The following EIPR1 variants were observed in gnomAD, a reference collection of about 807,000 sequenced individuals.
The protein encoded by EIPR1 is EARP complex and GARP complex interacting protein 1, also known as EARP and GARP complex-interacting protein 1.
Under a neutral mutation model 48.1 loss-of-function variants are expected in EIPR1, and 25 were observed. The observed-to-expected ratio is 0.52, with a 90% CI of 0.38 to 0.73. The LOEUF (loss-of-function observed/expected upper bound fraction) is 0.73, where lower values mean the gene tolerates loss of function less well. Ranked by LOEUF, EIPR1 falls within the 30% of genes least tolerant of loss-of-function variation. The probability of loss-of-function intolerance (pLI) is 0.00; values close to 1 mark genes in which losing one functional copy is unlikely to be tolerated. For synonymous variants in EIPR1, 204 were observed against 201.9 expected (o/e 1.01, Z -0.09); for missense variants, 415 against 506.2 (o/e 0.82, Z 1.73).
chr2:3,264,440 C>T (rs1667426310), intron 3 of EIPR1, among the ~76,000 whole-genome samples: 2 of 152,218 alleles, frequency 1.3e-5, no homozygotes, highest in South Asian at 4.1e-4. Context: ...TCATCTTCAG[C>T]TTGCCATGCC....
intron 4 of EIPR1, among the ~76,000 whole-genome samples, chr2:3,220,684 G>A (rs1665854264): frequency 6.6e-6 from 1 of 151,802 alleles, no homozygotes; most frequent in Non-Finnish European, 1.5e-5. Flanking sequence ...AGTGACTCAG[G>A]AACACAAGCA....
At chr2:3,241,046 CAAAGCCAGCAGATCCTTCCTAAAGA>C (rs1558245059) in intron 4 of EIPR1, among the ~76,000 whole-genome samples, 1 of 123,234 alleles carries the variant, frequency 8.1e-6, no homozygotes, top group African/African-American at 2.9e-5. Flanking sequence ...CTTCCTAAAG[CAAAGCCAGCAGATCCTTCCTAAAGA>C]AAAGCCAGCA....
Position 3,189,056 on chromosome 2 carries a change from G to T in EIPR1, c.*278C>A. 3.2e-6 allele frequency: 1 copy of T among 309,208 alleles called. No homozygotes were observed. The allele number at this position is 309,208 out of a possible 1,614,324, so 19.2% of individuals were successfully genotyped here. On this transcript the variant is annotated 3_prime_UTR_variant, in exon 9 of 9. Coordinates refer to ENST00000382125, the MANE Select transcript of EIPR1 (RefSeq NM_003310.5). This position sits in a 1 kb window ranked among gnomAD's most constrained non-coding sequence, Gnocchi z 4.6. ...AGGAACAGACATTTTTTTAAAAAGC[G>T]AAACTCCTGACACCCTTAAAACAGA...
intron 2 of EIPR1, among the ~76,000 whole-genome samples, chr2:3,347,875 A>G (rs550060734): frequency 1.3e-5 from 2 of 152,348 alleles, no homozygotes; most frequent in East Asian, 3.9e-4. Context: ...AAAGGAAGCC[A>G]GGCTACCCTG....
At chr2:3,321,290 T>G (rs1372581720) in intron 3 of EIPR1, among the ~76,000 whole-genome samples, 2 of 152,196 alleles carry the variant, frequency 1.3e-5, no homozygotes, top group Non-Finnish European at 2.9e-5. Flanking sequence ...GGAGTCAATC[T>G]TTTAACATCT....
intron 4 of EIPR1, 143 bp from the exon 5 acceptor site, chr2:3,214,391 C>T (rs1426192267): frequency 2.0e-5 from 13 of 665,012 alleles, no homozygotes; most frequent in Non-Finnish European, 2.8e-5. Context: ...CACTGTCACC[C>T]GGCAATGCCT....
Position 3,328,444 on chromosome 2 carries a change from C to T in EIPR1, c.259+9573G>A, listed in dbSNP as rs1005162352. ...ACCACGCTCTAATGATCTCAGGGTGCCAGCCTGGGTTCCCCTGAATCAGAG... is the reference window on the plus strand; with the variant it reads ...ACCACGCTCTAATGATCTCAGGGTGTCAGCCTGGGTTCCCCTGAATCAGAG... On this transcript the variant is annotated intron_variant, in intron 3 of 8. Coordinates refer to ENST00000382125, the MANE Select transcript of EIPR1 (RefSeq NM_003310.5). Among the ~76,000 whole-genome samples the T allele has an allele frequency of 4.0e-5, 6 of 148,250 alleles. 1 individual carries two copies. Among genetic ancestry groups the T allele is most frequent in the African/African-American group, 1.5e-4 (6 of 40,242 alleles).
chr2:3,281,384 T>C (rs1668007321), intron 3 of EIPR1, among the ~76,000 whole-genome samples: 1 of 151,988 alleles, frequency 6.6e-6, no homozygotes, highest in Non-Finnish European at 1.5e-5. Flanking sequence ...AAGTCAGAAG[T>C]CTTCATTATG....
intron 4 of EIPR1, among the ~76,000 whole-genome samples, chr2:3,233,872 A>ATAGG (rs1435160010): frequency 2.6e-4 from 39 of 152,216 alleles, no homozygotes; most frequent in Non-Finnish European, 4.4e-5. Flanking sequence ...AATCTCAAAG[A>ATAGG]TAGGAGTCAA....
At chr2:3,349,459 G>A (rs1468909180) in intron 2 of EIPR1, among the ~76,000 whole-genome samples, 1 of 152,260 alleles carries the variant, frequency 6.6e-6, no homozygotes, top group Non-Finnish European at 1.5e-5. Flanking sequence ...CTCCAGGGAG[G>A]CTCCAAACAG....
chr2:3,365,567 G>A (rs947632913), intron 1 of EIPR1, among the ~76,000 whole-genome samples: 3 of 150,800 alleles, frequency 2.0e-5, no homozygotes, highest in African/African-American at 7.3e-5. Context: ...GACAATAGTG[G>A]AGGGAAGGTC....
intron 4 of EIPR1, among the ~76,000 whole-genome samples, chr2:3,252,579 C>T (rs986302762): frequency 6.6e-5 from 10 of 152,110 alleles, no homozygotes; most frequent in Middle Eastern, 3.4e-3. Context: ...TGACAGAGGG[C>T]GATTCCATCT....
At chr2:3,288,030 T>C (rs1387591511) in intron 3 of EIPR1, among the ~76,000 whole-genome samples, 1 of 152,160 alleles carries the variant, frequency 6.6e-6, no homozygotes, top group Non-Finnish European at 1.5e-5. Context: ...TCCCCTCTCC[T>C]CCCCGTGGCC....
chr2:3,369,746 G>T (rs2103391844), intron 1 of EIPR1, among the ~76,000 whole-genome samples: 1 of 152,350 alleles, frequency 6.6e-6, no homozygotes, highest in South Asian at 2.1e-4. Context: ...CTCGAACTGG[G>T]TGGAGCGCAC....
chr2:3,304,044 T>C (rs1668839495), intron 3 of EIPR1, among the ~76,000 whole-genome samples: 1 of 152,258 alleles, frequency 6.6e-6, no homozygotes, highest in South Asian at 2.1e-4. Flanking sequence ...CTGTGTGATT[T>C]GCTGACTCTG....
chr2:3,326,137 T>C (rs574611446), intron 3 of EIPR1, among the ~76,000 whole-genome samples: 1 of 152,336 alleles, frequency 6.6e-6, no homozygotes, highest in East Asian at 1.9e-4. Flanking sequence ...CTCTAGATGC[T>C]CAGAGCCCAC....
chr2:3,268,154 T>C (rs906314943), intron 3 of EIPR1, among the ~76,000 whole-genome samples: 2 of 152,262 alleles, frequency 1.3e-5, no homozygotes, highest in Middle Eastern at 3.4e-3. Context: ...AGCCTTTCCA[T>C]GGGCCTCTCA....
At chr2:3,224,659 C>A (rs559933714) in intron 4 of EIPR1, among the ~76,000 whole-genome samples, 2 of 152,208 alleles carry the variant, frequency 1.3e-5, no homozygotes, top group Non-Finnish European at 2.9e-5. Context: ...ACTGCTCCAA[C>A]AAGACCTCCC....
At chr2:3,233,644 G>A (rs140581350) in intron 4 of EIPR1, among the ~76,000 whole-genome samples, 9 of 152,252 alleles carry the variant, frequency 5.9e-5, no homozygotes, top group African/African-American at 9.6e-5. Flanking sequence ...TTGTCCACCC[G>A]TCAAGTGTGT....
Sources: gnomAD v4.1 joint callset for allele counts (sites outside exome capture counted in the v4.1 genomes callset) on GRCh38, gnomAD v4.1.1 for gene constraint, Gnocchi (gnomAD v3.1) non-coding constraint, MANE v1.5 for transcripts, NCBI Gene and HGNC (gene_info 2026-07-23, HGNC 2026-07-21) for gene names.